Variants in HERC2 observed in about 807,000 individuals in gnomAD.
HERC2 encodes the protein E3 ubiquitin-protein ligase HERC2.
A neutral mutation model predicts 537.7 loss-of-function variants in HERC2; 102 were observed. The observed-to-expected ratio is 0.19, with a 90% CI of 0.16 to 0.22. The LOEUF (loss-of-function observed/expected upper bound fraction) is 0.22. Ranked by LOEUF, HERC2 falls within the 10% of genes least tolerant of loss-of-function variation. The pLI is 1.00. For missense variants in HERC2, 4,236 were observed against 6,198.2 expected (o/e 0.68, Z 10.63); for synonymous variants, 2,224 against 2,466.2 (o/e 0.90, Z 2.91).
At chr15:28,138,654 T>C (rs1890891257) in intron 78 of HERC2, among the ~76,000 whole-genome samples, 2 of 152,234 alleles carry the variant, frequency 1.3e-5, no homozygotes, top group African/African-American at 4.8e-5. Context: ...AGAGCTCTGA[T>C]GAACATGTAC....
At chr15:28,263,978 C>T (rs1042497869) in intron 14 of HERC2, among the ~76,000 whole-genome samples, 2 of 144,792 alleles carry the variant, frequency 1.4e-5, no homozygotes, top group Non-Finnish European at 3.0e-5. Context: ...GAGATTGCAC[C>T]ACTGCACACC....
At chr15:28,271,663 C>T (rs953745503) in intron 9 of HERC2, among the ~76,000 whole-genome samples, 5 of 151,724 alleles carry the variant, frequency 3.3e-5, no homozygotes, top group Admixed American at 1.3e-4. Flanking sequence ...AGCAAGACTC[C>T]ATCTAAGGAA....
At position 28,144,107 on chromosome 15, in the gene HERC2, G is replaced by C; in HGVS notation, c.11269C>G (p.Leu3757Val). Residue 3757 changes from leucine (L) to valine (V), a missense_variant, in exon 73 of 93, where the codon CTG (leucine) becomes GTG (valine). By Grantham distance (32) the Leu-to-Val change is conservative. Transcript: ENST00000261609. ...GCACTCAGCTGTGCACAAGCTGCCA[G>C]CGAGGCCGCAAGGCGAGGGACGATG... ...RSIVPRLAAS[L>V]AACAQLSALA... 6.2e-7 allele frequency: 1 copy of C among 1,614,224 alleles called. No homozygotes were observed. The highest frequency in any genetic ancestry group is 8.5e-7 in the Non-Finnish European group (1 of 1,180,052).
At chr15:28,127,884 A>G (rs1195366193) in intron 83 of HERC2, among the ~76,000 whole-genome samples, 1 of 152,210 alleles carries the variant, frequency 6.6e-6, no homozygotes, top group African/African-American at 2.4e-5. Context: ...ACATGAATTG[A>G]TTCAAAGCTG....
chr15:28,149,466 C>T (rs1358860761), intron 70 of HERC2, among the ~76,000 whole-genome samples: 4 of 150,856 alleles, frequency 2.7e-5, no homozygotes, highest in African/African-American at 4.9e-5. Context: ...AGAACGTCAC[C>T]GAGAACGGCC....
At chr15:28,249,395 T>C (rs1451483463) in intron 20 of HERC2, among the ~76,000 whole-genome samples, 3 of 152,146 alleles carry the variant, frequency 2.0e-5, no homozygotes, top group Non-Finnish European at 4.4e-5. Flanking sequence ...CACTGTGATG[T>C]GACTTGAGCC....
At position 28,215,754 on chromosome 15, in the gene HERC2, G is replaced by A. The variant is rs748164478; in HGVS notation, c.6077C>T (p.Thr2026Met). 9 of 1,611,990 alleles carry A rather than the reference G, an allele frequency of 5.6e-6. No individual in the cohort carries two copies. The highest frequency in any genetic ancestry group is 7.6e-6 in the Non-Finnish European group (9 of 1,179,840). The change falls in exon 39 of 93, where the codon ACG becomes ATG. Residue 2026 changes from threonine to methionine, a missense_variant. This residue lies in a region of HERC2 where 365 missense variants were observed against 468.8 expected (regional missense o/e 0.78). Transcript: ENST00000261609. The stretch of plus-strand genomic sequence containing the variant: ...AGCGATGCTCCGCACAAACCCCAGC[G>A]TGCACCAGCTCCGGTGTTGCTCCCT... The part of the protein sequence containing the change: ...VYREQHRSWC[T>M]LGFVRSIALT...
intron 3 of HERC2, among the ~76,000 whole-genome samples, chr15:28,294,589 C>A (rs1309861602): frequency 6.6e-6 from 1 of 150,924 alleles, no homozygotes; most frequent in Non-Finnish European, 1.5e-5. Context: ...AGCCAAACAA[C>A]CTCCTTATCG....
At chr15:28,252,901 C>T (rs546778986) in intron 20 of HERC2, among the ~76,000 whole-genome samples, 5 of 152,318 alleles carry the variant, frequency 3.3e-5, no homozygotes, top group African/African-American at 7.2e-5. Flanking sequence ...GCCCACCCCA[C>T]GCCACAGGCC....
At chr15:28,178,747 A>C in intron 59 of HERC2, 140 bp downstream of exon 59, 65 of 925,564 alleles carry the variant, frequency 7.0e-5, no homozygotes, top group Non-Finnish European at 9.6e-5. Context: ...TAGACCACCT[A>C]GAGATTTACA....
chr15:28,246,998 C>A, intron 21 of HERC2, 101 bp from the exon 22 acceptor site: 1 of 1,020,534 alleles, frequency 9.8e-7, no homozygotes, highest in Middle Eastern at 2.2e-4. Context: ...ACATCTTTTA[C>A]CCATAATAAT....
chr15:28,127,380 A>G (rs1185895582), intron 83 of HERC2, among the ~76,000 whole-genome samples: 1 of 152,094 alleles, frequency 6.6e-6, no homozygotes, highest in East Asian at 1.9e-4. Context: ...GCACGGGGGG[A>G]GTGGCCAAAT....
intron 68 of HERC2, 107 bp downstream of exon 68, chr15:28,167,580 T>A: frequency 7.4e-7 from 1 of 1,350,346 alleles, no homozygotes; most frequent in Non-Finnish European, 1.0e-6. Context: ...ACAGCCGAGG[T>A]GAATGGGATA....
chr15:28,161,491 T>C (rs1031427917), intron 69 of HERC2, among the ~76,000 whole-genome samples: 2 of 152,208 alleles, frequency 1.3e-5, no homozygotes, highest in Non-Finnish European at 2.9e-5. Flanking sequence ...AGAAGAGTTC[T>C]TAAGGAAGCC....
In HERC2 at chr15:28,182,642, T is replaced by A. The variant is rs1331779248; in HGVS notation, c.8826-130A>T. ...TTACTTTCAGAAACTCTTAAAATTTTGCTTTAATAGAAAAAAACCTCAAGC... is the reference window on the plus strand; with the variant it reads ...TTACTTTCAGAAACTCTTAAAATTTAGCTTTAATAGAAAAAAACCTCAAGC... On this transcript the variant is annotated intron_variant, in intron 56 of 92. Coordinates refer to ENST00000261609, the MANE Select transcript of HERC2 (RefSeq NM_004667.6). 3 of 741,656 alleles carry A rather than the reference T, an allele frequency of 4.0e-6. No individual in the cohort carries two copies. The East Asian group carries it at 8.1e-5, about 20-fold the overall frequency. 45.9% of individuals were successfully genotyped at this position (741,656 alleles called of 1,614,324 possible).
In HERC2 at chr15:28,256,286, G is replaced by C. The variant is rs534865714; in HGVS notation, c.2549C>G (p.Pro850Arg). The C allele has an allele frequency of 8.1e-6, 13 of 1,596,212 alleles. No homozygotes were observed. The South Asian group carries it at 1.4e-4, about 18-fold the overall frequency. ...LHAAISHQVD[P>R]EFLGLGLGSI... is the part of the protein sequence containing the mutation. ...GCCCAGACCTAAACCAAGGAATTCC[G>C]GGTCAACCTGGTGACTAATGGCAGC... Residue 850 changes from proline to arginine, a missense_variant, in exon 18 of 93, where the codon CCG becomes CGG. Pro to Arg is a moderately radical substitution (Grantham distance 103, BLOSUM62 -2). This residue lies in a region of HERC2 where 754 missense variants were observed against 1,085.0 expected (regional missense o/e 0.69). Coordinates refer to ENST00000261609, the MANE Select transcript of HERC2 (RefSeq NM_004667.6).
At position 28,167,726 on chromosome 15, in the gene HERC2, G is replaced by A. The variant is rs61756152; in HGVS notation, c.10515C>T (p.Ala3505=). Residue 3505 remains alanine (A), a synonymous_variant, in exon 68 of 93, where the codon GCC becomes GCT. Coordinates refer to ENST00000261609, the MANE Select transcript of HERC2 (RefSeq NM_004667.6). ...TCATGGTTTCTGCAATGATGCTTGC[G>A]GCTCCCAGGTCATCCGTCACTGGGA... ...PFIPVTDDLG[A]ASIIAETMTK... 164,284 of 1,613,810 alleles carry A rather than the reference G, an allele frequency of 0.1. 11,720 individuals carry two copies. Among genetic ancestry groups the A allele is most frequent in the East Asian group, 0.3 (13,581 of 44,854 alleles).
chr15:28,260,851 T>C lies in HERC2; in HGVS notation c.2242A>G (p.Thr748Ala). 6.2e-7 allele frequency: 1 copy of C among 1,614,242 alleles called. No individual in the cohort carries two copies. The highest frequency in any genetic ancestry group is 8.5e-7 in the Non-Finnish European group (1 of 1,180,040). ...GGCAATGCTGCAGGTTCTGGCTTGG[T>C]CACGCGCAAGGTGTCAAAGTGCTGG... Reference protein sequence around the residue: ...QCQHFDTLRVTKPEPAALPGL... With the variant: ...QCQHFDTLRVAKPEPAALPGL... The change falls in exon 16 of 93, where the codon ACC becomes GCC. Residue 748 changes from threonine (T) to alanine (A), a missense_variant. Around this residue, in one of 27 missense-constraint regions of HERC2, gnomAD observed 754 missense variants for 1,085.0 expected, o/e 0.69. Transcript: ENST00000261609.
In HERC2 at chr15:28,214,665, T is replaced by C. The variant is rs369334109; in HGVS notation, c.6348A>G (p.Pro2116=). Residue 2116 remains proline (P), a synonymous_variant, in exon 40 of 93, where the codon CCA becomes CCG. Coordinates refer to ENST00000261609, the MANE Select transcript of HERC2 (RefSeq NM_004667.6). The stretch of plus-strand genomic sequence containing the variant: ...TAGACGGCCACCCACCTCTGAGTAA[T>C]GGCACGTCAGAGGAGCAGGTAGTGA... The part of the protein sequence containing the change: ...SLLTTCSSDV[P]LLRESTLRRR... 88 of 1,611,620 alleles carry C rather than the reference T, an allele frequency of 5.5e-5. No homozygotes were observed. The highest frequency in any genetic ancestry group is 7.0e-5 in the Non-Finnish European group (82 of 1,179,766).
Sources: gnomAD v4.1 joint callset for allele counts (sites outside exome capture counted in the v4.1 genomes callset) on GRCh38, gnomAD v4.1.1 for gene constraint, gnomAD v4.1.1 regional missense constraint, MANE v1.5 for transcripts, NCBI Gene and HGNC (gene_info 2026-07-23, HGNC 2026-07-21) for gene names.